Variants in TPRG1 observed in about 807,000 individuals in gnomAD.
TPRG1 encodes tumor protein p63-regulated gene 1 protein.
A neutral mutation model predicts 29.3 loss-of-function variants in TPRG1; 29 were observed. The observed-to-expected ratio is 0.99, with a 90% CI of 0.74 to 1.35. The LOEUF is 1.35. Ranked by LOEUF, TPRG1 falls within the 40% of genes most tolerant of loss-of-function variation. TPRG1 has a pLI of 0.00. For missense variants in TPRG1, 327 were observed against 335.0 expected, an observed-to-expected ratio of 0.98 and a Z score of 0.19; for synonymous variants, 130 against 116.8, an observed-to-expected ratio of 1.11 and a Z score of -0.73.
At chr3:189,275,603 G>A (rs988978199) in intron 4 of TPRG1, among the ~76,000 whole-genome samples, 3 of 152,116 alleles carry the variant, frequency 2.0e-5, no homozygotes, top group African/African-American at 7.2e-5. Context: ...GAAATTCAGA[G>A]AACAATCAGC....
At position 189,012,523 on chromosome 3, in the gene TPRG1, T is replaced by C. The variant is rs888123931; in HGVS notation, c.-660+7763T>C. On this transcript the variant is annotated intron_variant, in intron 3 of 10. Coordinates refer to the TPRG1 transcript ENST00000433971. ...TTTGATGTGCTGCTGGATTTGGTTT[T>C]GCCAGTATTTTGTTTTCAATTTTTC... Among the ~76,000 whole-genome samples, 3 of 151,940 alleles carry C rather than the reference T, an allele frequency of 2.0e-5. No individual in the cohort carries two copies. The East Asian group carries it at 5.8e-4, about 29-fold the overall frequency.
In TPRG1 at chr3:189,272,724, CTTCCTTCCTTCCTTCCTTCCTTCCTTCG is replaced by C. The variant is rs1196731285; in HGVS notation, c.479+33840_479+33867del. Among the ~76,000 whole-genome samples, 832 of 139,416 alleles carry C rather than the reference CTTCCTTCCTTCCTTCCTTCCTTCCTTCG, an allele frequency of 6.0e-3. 8 individuals carry two copies. Among genetic ancestry groups the C allele is most frequent in the African/African-American group, 0.023 (784 of 34,306 alleles). The allele number at this position is 139,416 out of a possible 152,430, so 91.5% of individuals were successfully genotyped here. A position where few individuals can be genotyped will look rare whatever the true frequency, so the allele number is the denominator to read the frequency against. ...TTCTTTCTTTCTTTCTCCTTCCTTC[CTTCCTTCCTTCCTTCCTTCCTTCCTTCG>C]TTCCTTCCTTCCTTCCTTCCTTCCC... On this transcript the variant is annotated intron_variant, in intron 4 of 5. Coordinates refer to ENST00000345063, the MANE Select transcript of TPRG1 (RefSeq NM_198485.4).
chr3:189,009,892 A>G (rs1712504227), intron 3 of TPRG1, among the ~76,000 whole-genome samples: 1 of 151,848 alleles, frequency 6.6e-6, no homozygotes, highest in Non-Finnish European at 1.5e-5. Flanking sequence ...AGATCATCCC[A>G]TCACCCAGGT....
chr3:189,112,996 T>G (rs1173470484), intron 1 of TPRG1, among the ~76,000 whole-genome samples: 1 of 152,220 alleles, frequency 6.6e-6, no homozygotes, highest in Non-Finnish European at 1.5e-5. Context: ...TATTGATTCT[T>G]CCTATCCATG....
chr3:189,128,104 T>C (rs189760612), intron 2 of TPRG1, among the ~76,000 whole-genome samples: 2 of 152,290 alleles, frequency 1.3e-5, no homozygotes, highest in East Asian at 3.9e-4. Context: ...GAAGTAAAAA[T>C]AACTTAAAAA....
intron 4 of TPRG1, among the ~76,000 whole-genome samples, chr3:189,273,761 T>C (rs1299467063): frequency 6.6e-6 from 1 of 152,186 alleles, no homozygotes; most frequent in East Asian, 1.9e-4. Flanking sequence ...CTGGGCTTTC[T>C]CATGTCTCAC....
intron 3 of TPRG1, among the ~76,000 whole-genome samples, chr3:189,231,502 A>G (rs1220681585): frequency 6.6e-6 from 1 of 152,174 alleles, no homozygotes; most frequent in Non-Finnish European, 1.5e-5. Flanking sequence ...TCACCATCAT[A>G]TTAATAACCA....
At chr3:189,127,088 A>G (rs1722581018) in exon 2 of TPRG1, 1 of 152,190 alleles carries the variant, frequency 6.6e-6, no homozygotes, top group Non-Finnish European at 1.5e-5. Context: ...GTGCAAAAAG[A>G]CACCCAGAGA....
At chr3:189,253,841 C>G (rs935608983) in intron 4 of TPRG1, among the ~76,000 whole-genome samples, 4 of 152,228 alleles carry the variant, frequency 2.6e-5, no homozygotes, top group African/African-American at 9.6e-5. Flanking sequence ...CTACGTTTCT[C>G]TAATGACCAG....
At chr3:189,045,134 A>G (rs749418503) in intron 4 of TPRG1, among the ~76,000 whole-genome samples, 2 of 152,192 alleles carry the variant, frequency 1.3e-5, no homozygotes, top group Non-Finnish European at 2.9e-5. Context: ...TTTTTAATCA[A>G]TGCTCATATA....
intron 4 of TPRG1, among the ~76,000 whole-genome samples, chr3:189,271,393 G>T (rs1490387760): frequency 6.6e-6 from 1 of 152,136 alleles, no homozygotes; most frequent in Non-Finnish European, 1.5e-5. Flanking sequence ...GCAGCTGTTT[G>T]CAGAGTCTTG....
intron 4 of TPRG1, among the ~76,000 whole-genome samples, chr3:189,086,731 G>A (rs1451516011): frequency 6.6e-6 from 1 of 152,130 alleles, no homozygotes; most frequent in East Asian, 1.9e-4. Flanking sequence ...GTTTCTCCAT[G>A]TTGGTCAGGC....
At chr3:189,034,144 G>T (rs1245652798) in intron 4 of TPRG1, among the ~76,000 whole-genome samples, 2 of 152,046 alleles carry the variant, frequency 1.3e-5, no homozygotes, top group African/African-American at 4.8e-5. Flanking sequence ...TCTAATGAAA[G>T]TTGAGAGGAA....
At chr3:189,174,225 A>C (rs1729188129) in intron 1 of TPRG1, among the ~76,000 whole-genome samples, 1 of 152,232 alleles carries the variant, frequency 6.6e-6, no homozygotes, top group Non-Finnish European at 1.5e-5. Context: ...TCCAGCATGC[A>C]GATGTGCTTT....
intron 4 of TPRG1, among the ~76,000 whole-genome samples, chr3:189,290,018 A>G (rs1363046290): frequency 2.0e-5 from 3 of 152,206 alleles, no homozygotes; most frequent in African/African-American, 7.2e-5. Flanking sequence ...GCAATAGGAA[A>G]CATAATTATA....
chr3:189,187,136 A>C (rs1380908667), intron 1 of TPRG1, among the ~76,000 whole-genome samples: 1 of 151,156 alleles, frequency 6.6e-6, no homozygotes, highest in African/African-American at 2.4e-5. Context: ...ACAGATTCGC[A>C]CCACCACACT....
chr3:189,097,917 C>G (rs188022172), upstream of TPRG1, among the ~76,000 whole-genome samples: 5 of 152,286 alleles, frequency 3.3e-5, no homozygotes, highest in Non-Finnish European at 1.5e-5. Context: ...TGTTTTCCCC[C>G]CTTTACGTAG....
chr3:188,997,426 T>C (rs1711873319), intron 1 of TPRG1, among the ~76,000 whole-genome samples: 1 of 152,174 alleles, frequency 6.6e-6, no homozygotes, highest in South Asian at 2.1e-4. Context: ...AAATCTTTCC[T>C]CAGATTTTTA....
At chr3:189,111,352 T>G (rs1720502938) in intron 1 of TPRG1, among the ~76,000 whole-genome samples, 1 of 152,118 alleles carries the variant, frequency 6.6e-6, no homozygotes. Flanking sequence ...AAATTATGGT[T>G]TTAAAATTTT....
Sources: gnomAD v4.1 joint callset for allele counts (sites outside exome capture counted in the v4.1 genomes callset) on GRCh38, gnomAD v4.1.1 for gene constraint, MANE v1.5 for transcripts, NCBI Gene and HGNC (gene_info 2026-07-23, HGNC 2026-07-21) for gene names.